Variants in GRHL2 observed in about 807,000 individuals in gnomAD.
GRHL2 encodes the protein grainyhead like transcription factor 2.
A neutral mutation model predicts 83.8 loss-of-function variants in GRHL2; 21 were observed. That is an observed-to-expected ratio of 0.25 (90% confidence interval 0.18 to 0.36). The LOEUF (loss-of-function observed/expected upper bound fraction) is 0.36, where lower values mean the gene tolerates loss of function less well. Among genes scored for constraint, GRHL2 ranks in the 10% least tolerant of loss-of-function variants. The pLI is 1.00. For synonymous variants in GRHL2, 280 were observed against 278.9 expected (o/e 1.00, Z -0.04); for missense variants, 623 against 781.8 (o/e 0.80, Z 2.42).
intron 7 of GRHL2, among the ~76,000 whole-genome samples, chr8:101,594,232 G>A (rs1812348384): frequency 6.6e-6 from 1 of 152,114 alleles, no homozygotes; most frequent in Non-Finnish European, 1.5e-5. Context: ...CTGGCCTCTG[G>A]AACTGTGAGC....
chr8:101,548,373 C>T (rs980344094), intron 2 of GRHL2, among the ~76,000 whole-genome samples: 6 of 152,196 alleles, frequency 3.9e-5, no homozygotes, highest in African/African-American at 1.4e-4. Flanking sequence ...CAAAAAGGGG[C>T]ATGTTCCAAG....
At chr8:101,603,983 C>T (rs1247250762) in intron 8 of GRHL2, among the ~76,000 whole-genome samples, 1 of 138,168 alleles carries the variant, frequency 7.2e-6, no homozygotes, top group Admixed American at 8.0e-5. Context: ...ACTCGGGTAG[C>T]CAGCTTTTTA....
chr8:101,653,696 T>G (rs1012080499), intron 14 of GRHL2, among the ~76,000 whole-genome samples: 1 of 151,480 alleles, frequency 6.6e-6, no homozygotes, highest in Non-Finnish European at 1.5e-5. Context: ...GAGCTGAGAT[T>G]GTGCCACCAC....
chr8:101,637,052 C>T, intron 12 of GRHL2, 124 bp downstream of exon 12: 2 of 863,994 alleles, frequency 2.3e-6, no homozygotes, highest in South Asian at 1.3e-5. Context: ...GGACTCAGAG[C>T]TGAGAGACGC....
chr8:101,666,473 C>G (rs1238019600), intron 15 of GRHL2, 116 bp from the exon 16 acceptor site: 1 of 717,922 alleles, frequency 1.4e-6, no homozygotes, highest in Non-Finnish European at 2.6e-6. Flanking sequence ...CTCCACTCCT[C>G]CCAGCCTCCA....
At chr8:101,582,821 C>T (rs1438053302) in intron 7 of GRHL2, among the ~76,000 whole-genome samples, 1 of 152,106 alleles carries the variant, frequency 6.6e-6, no homozygotes, top group Admixed American at 6.5e-5. Context: ...TCTTGTTTTA[C>T]AGTTTTATTG....
intron 1 of GRHL2, chr8:101,528,841 C>A: frequency 5.7e-6 from 2 of 352,298 alleles, no homozygotes; most frequent in South Asian, 5.3e-5. Context: ...TCTTTGAGCT[C>A]TTTCCTTTAG....
At chr8:101,631,838 G>A in intron 10 of GRHL2, 114 bp downstream of exon 10, 1 of 860,688 alleles carries the variant, frequency 1.2e-6, no homozygotes, top group Admixed American at 1.9e-5. Context: ...TGCAAGGCAT[G>A]GTTTGCTTTC....
At chr8:101,562,085 C>T in intron 4 of GRHL2, 1 of 687,988 alleles carries the variant, frequency 1.5e-6, no homozygotes. Context: ...GCAAGGGGGG[C>T]TCAGATAAGA....
chr8:101,543,455 C>A lies in GRHL2; in HGVS notation c.216+19C>A. ...CTACAAGGTAGGTCCCCAGCCTCCA[C>A]TTTTCTCTTCTTCCTGCTCCAGGAC... is the stretch of plus-strand genomic sequence containing the variant. On this transcript the variant is annotated intron_variant, in intron 2 of 15. Coordinates refer to ENST00000646743, the MANE Select transcript of GRHL2 (RefSeq NM_024915.4). The A allele has an allele frequency of 6.2e-7, 1 of 1,609,300 alleles. No individual in the cohort carries two copies. The highest frequency in any genetic ancestry group is 8.5e-7 in the Non-Finnish European group (1 of 1,175,664).
At chr8:101,519,522 G>C in intron 1 of GRHL2, among the ~76,000 whole-genome samples, 1 of 150,774 alleles carries the variant, frequency 6.6e-6, no homozygotes, top group East Asian at 1.9e-4. Flanking sequence ...CCTCACCGCA[G>C]AGAAGCTGGG....
At chr8:101,650,078 C>T (rs549000802) in intron 14 of GRHL2, among the ~76,000 whole-genome samples, 1 of 152,334 alleles carries the variant, frequency 6.6e-6, no homozygotes, top group South Asian at 2.1e-4. Context: ...TTACTCCCTT[C>T]ACTCCCAACT....
At chr8:101,498,432 A>G (rs1350262079) in intron 1 of GRHL2, among the ~76,000 whole-genome samples, 1 of 152,088 alleles carries the variant, frequency 6.6e-6, no homozygotes, top group Non-Finnish European at 1.5e-5. Flanking sequence ...CACTTTTTTG[A>G]GGACTGTTGT....
intron 1 of GRHL2, among the ~76,000 whole-genome samples, chr8:101,522,874 T>C (rs1298374624): frequency 6.6e-6 from 1 of 151,834 alleles, no homozygotes; most frequent in Non-Finnish European, 1.5e-5. Context: ...TCTGTTCATA[T>C]ACTGATTGGG....
rs570887839 is a variant in GRHL2 at position 101,652,403 on chromosome 8, T to A, written c.1698+2904T>A. Among the ~76,000 whole-genome samples the A allele has an allele frequency of 8.6e-3, 628 of 73,024 alleles. 91 individuals are homozygous for A. The highest frequency in any genetic ancestry group is 0.04 in the African/African-American group (550 of 13,790). The allele number at this position is 73,024 out of a possible 152,430, so 47.9% of individuals were successfully genotyped here. On this transcript the variant is annotated intron_variant, in intron 14 of 15. Coordinates refer to ENST00000646743, the MANE Select transcript of GRHL2 (RefSeq NM_024915.4). ...GTGTGTGGTGTGTGTGTGTGTCTGGTGTGTGTGTGGTGTGTGTGTGTGGTG... is the reference window on the plus strand; with the variant it reads ...GTGTGTGGTGTGTGTGTGTGTCTGGAGTGTGTGTGGTGTGTGTGTGTGGTG...
chr8:101,627,895 CTT>C (rs1813111096), intron 9 of GRHL2, among the ~76,000 whole-genome samples: 1 of 152,110 alleles, frequency 6.6e-6, no homozygotes, highest in African/African-American at 2.4e-5. Flanking sequence ...GGCCCTAACT[CTT>C]TTCAACTCTA....
intron 4 of GRHL2, among the ~76,000 whole-genome samples, chr8:101,560,176 TTG>T (rs35280910): frequency 0.59 from 87,791 of 148,872 alleles, 27,508 homozygotes; most frequent in Non-Finnish European, 0.72. Flanking sequence ...TGGCTAAATT[TTG>T]TGTGTGTGTG....
At chr8:101,604,013 T>A (rs1812573143) in intron 8 of GRHL2, among the ~76,000 whole-genome samples, 1 of 124,578 alleles carries the variant, frequency 8.0e-6, no homozygotes, top group African/African-American at 3.6e-5. Context: ...TTGAGTTTTT[T>A]TTTTGCAAAA....
intron 8 of GRHL2, among the ~76,000 whole-genome samples, chr8:101,608,770 CACACACACCT>C (rs1812686802): frequency 7.8e-6 from 1 of 128,214 alleles, no homozygotes; most frequent in African/African-American, 3.2e-5. Flanking sequence ...CACACACACA[CACACACACCT>C]ACACCTCATT....
Sources: allele counts gnomAD v4.1 joint callset (sites outside exome capture counted in the v4.1 genomes callset), GRCh38; gene constraint gnomAD v4.1.1; transcripts MANE v1.5; gene names NCBI Gene and HGNC (gene_info 2026-07-23, HGNC 2026-07-21).